NOS1AP: variants seen among roughly 807,000 people sequenced by gnomAD.
NOS1AP encodes the protein nitric oxide synthase 1 adaptor protein.
In NOS1AP, 21 loss-of-function variants were observed where a neutral mutation model predicts 56.2. That is an observed-to-expected ratio of 0.37 (90% confidence interval 0.26 to 0.54). The LOEUF is 0.54. Ranked by LOEUF, NOS1AP falls within the 20% of genes least tolerant of loss-of-function variation. The pLI is 0.84. For missense variants in NOS1AP, 522 were observed against 657.8 expected (o/e 0.79, Z 2.26); for synonymous variants, 270 against 274.6 (o/e 0.98, Z 0.17).
At chr1:162,271,521 T>A (rs1431664320) in intron 2 of NOS1AP, among the ~76,000 whole-genome samples, 1 of 152,200 alleles carries the variant, frequency 6.6e-6, no homozygotes, top group Non-Finnish European at 1.5e-5. Flanking sequence ...TTAGAATTAA[T>A]ATCCCAGCAT....
At chr1:162,238,540 A>C (rs929327198) in intron 2 of NOS1AP, among the ~76,000 whole-genome samples, 1 of 152,190 alleles carries the variant, frequency 6.6e-6, no homozygotes, top group African/African-American at 2.4e-5. Context: ...GGCTGAATGC[A>C]TACCAAGAGC....
intron 1 of NOS1AP, among the ~76,000 whole-genome samples, chr1:162,144,029 C>T (rs1001585350): frequency 6.6e-6 from 1 of 152,224 alleles, no homozygotes; most frequent in African/African-American, 2.4e-5. Flanking sequence ...TGTCATGGCA[C>T]CATTTTTATT....
chr1:162,080,966 G>A (rs1487093697), intron 1 of NOS1AP, among the ~76,000 whole-genome samples: 2 of 152,158 alleles, frequency 1.3e-5, no homozygotes. Context: ...AGAGTAACTT[G>A]CTCATGGTCT....
intron 2 of NOS1AP, among the ~76,000 whole-genome samples, chr1:162,156,197 G>T (rs1649967666): frequency 6.6e-6 from 1 of 152,104 alleles, no homozygotes; most frequent in South Asian, 2.1e-4. Context: ...TGTTTTTCAT[G>T]GACACAGTAA....
intron 2 of NOS1AP, among the ~76,000 whole-genome samples, chr1:162,205,088 G>A (rs934982084): frequency 4.6e-5 from 7 of 152,168 alleles, no homozygotes; most frequent in Non-Finnish European, 8.8e-5. Context: ...TAATCAGTTG[G>A]TCCTGGAGAG....
chr1:162,319,159 CCT>C (rs1648446969), intron 4 of NOS1AP, among the ~76,000 whole-genome samples: 2 of 152,152 alleles, frequency 1.3e-5, no homozygotes, highest in African/African-American at 4.8e-5. Context: ...CAACAGCTCC[CCT>C]GTTTGTAGAT....
rs368995862 is a variant in NOS1AP at position 162,362,213 on chromosome 1, G to A, written c.940-3191G>A. Among the ~76,000 whole-genome samples the A allele has an allele frequency of 6.6e-4, 101 of 152,348 alleles. 1 individual carries two copies. In the South Asian group the frequency reaches 0.02, roughly 31 times the overall value. ...CACCTGTAGTCCCAGCACTTTGGGA[G>A]GCCGAGGCAGGTGGATCACTTGAGG... On this transcript the variant is annotated intron_variant, in intron 8 of 9. Coordinates refer to ENST00000361897, the MANE Select transcript of NOS1AP (RefSeq NM_014697.3).
At chr1:162,284,226 T>C (rs1655022037) in intron 2 of NOS1AP, among the ~76,000 whole-genome samples, 1 of 152,242 alleles carries the variant, frequency 6.6e-6, no homozygotes, top group African/African-American at 2.4e-5. Flanking sequence ...AATTGCCATA[T>C]AAACAAATGG....
Position 162,350,260 on chromosome 1 carries a change from T to C in NOS1AP, c.596-4927T>C, listed in dbSNP as rs146487428. Among the ~76,000 whole-genome samples the C allele has an allele frequency of 2.2e-3, 335 of 152,388 alleles. 2 individuals are homozygous for C. The highest frequency in any genetic ancestry group is 7.9e-3 in the African/African-American group (327 of 41,592). On this transcript the variant is annotated intron_variant, in intron 6 of 9. Coordinates refer to ENST00000361897, the MANE Select transcript of NOS1AP (RefSeq NM_014697.3). ...TTTACTCTGAGGAGCTGGAAAGTGC[T>C]GTCTTGTCATGTCTTTTCATCGTTT...
At chr1:162,307,573 G>A (rs1655877457) in intron 4 of NOS1AP, among the ~76,000 whole-genome samples, 1 of 152,192 alleles carries the variant, frequency 6.6e-6, no homozygotes, top group East Asian at 1.9e-4. Flanking sequence ...GGAGGCTGAG[G>A]CAGGCGGATC....
chr1:162,333,135 C>A lies in NOS1AP; in HGVS notation c.453+10C>A. On this transcript the variant is annotated intron_variant, in intron 5 of 9. Coordinates refer to ENST00000361897, the MANE Select transcript of NOS1AP (RefSeq NM_014697.3). The stretch of plus-strand genomic sequence containing the variant: ...TAAATCCAAGAAGAAGGTAAAGAGG[C>A]GGTTGCCGTCCATCTGCTATTTTCC... The A allele has an allele frequency of 1.3e-6, 2 of 1,577,490 alleles. No homozygotes were observed. The highest frequency in any genetic ancestry group is 1.7e-6 in the Non-Finnish European group (2 of 1,146,738).
chr1:162,099,621 G>A (rs888808221), intron 1 of NOS1AP, among the ~76,000 whole-genome samples: 11 of 115,694 alleles, frequency 9.5e-5, no homozygotes, highest in Middle Eastern at 4.2e-3. Context: ...CTGCATGTAT[G>A]TTTTCTTTTT....
At chr1:162,161,911 C>T (rs1650241802) in intron 2 of NOS1AP, among the ~76,000 whole-genome samples, 1 of 152,226 alleles carries the variant, frequency 6.6e-6, no homozygotes, top group African/African-American at 2.4e-5. Context: ...TTATTAAATA[C>T]ATGAATTCAG....
chr1:162,301,820 T>C (rs1160763243), intron 4 of NOS1AP, among the ~76,000 whole-genome samples: 1 of 152,216 alleles, frequency 6.6e-6, no homozygotes, highest in Non-Finnish European at 1.5e-5. Flanking sequence ...TTGCCATGCT[T>C]TTGTTGACAA....
At chr1:162,148,424 G>A (rs1649573472) in intron 1 of NOS1AP, among the ~76,000 whole-genome samples, 1 of 152,252 alleles carries the variant, frequency 6.6e-6, no homozygotes, top group Non-Finnish European at 1.5e-5. Flanking sequence ...CACCTACCCT[G>A]GGGGTAAACA....
intron 1 of NOS1AP, among the ~76,000 whole-genome samples, chr1:162,124,147 C>T (rs1648372237): frequency 6.6e-6 from 1 of 151,902 alleles, no homozygotes; most frequent in South Asian, 2.1e-4. Flanking sequence ...ATTTCAGTAG[C>T]TTTAGGGGTA....
rs772450089 is a variant in NOS1AP, at chr1:162,333,086, C to G, written c.414C>G (p.Ser138Arg). Residue 138 changes from serine (S) to arginine (R), a missense_variant, in exon 5 of 10, where the codon AGC becomes AGG. Around this residue, in one of 4 missense-constraint regions of NOS1AP, gnomAD observed 132 missense variants for 218.1 expected, o/e 0.61. Transcript: ENST00000361897. ...GCTATATCGCTCGAGATGGTGCCAG[C>G]AATATCTTCAGGTGTAACGTCTTTA... ...IFSYIARDGA[S>R]NIFRCNVFKS... 17 of 1,613,704 alleles carry G rather than the reference C, an allele frequency of 1.1e-5. No individual in the cohort carries two copies. Among genetic ancestry groups the G allele is most frequent in the Non-Finnish European group, 1.4e-5 (16 of 1,179,784 alleles).
intron 1 of NOS1AP, among the ~76,000 whole-genome samples, chr1:162,147,937 G>T (rs1285589591): frequency 6.6e-6 from 1 of 152,144 alleles, no homozygotes; most frequent in Non-Finnish European, 1.5e-5. Flanking sequence ...CTGGAAGGGG[G>T]GGATGCAGGA....
At chr1:162,233,196 G>A (rs1653178445) in intron 2 of NOS1AP, among the ~76,000 whole-genome samples, 2 of 152,144 alleles carry the variant, frequency 1.3e-5, no homozygotes, top group Admixed American at 1.3e-4. Flanking sequence ...GCTGCTCCAG[G>A]GATTACACTT....
Sources: allele counts gnomAD v4.1 joint callset (sites outside exome capture counted in the v4.1 genomes callset), GRCh38; gene constraint gnomAD v4.1.1; regional missense constraint gnomAD v4.1.1; transcripts MANE v1.5; gene names NCBI Gene and HGNC (gene_info 2026-07-23, HGNC 2026-07-21).